Variants in WNK2 observed in about 807,000 individuals in gnomAD.
The protein encoded by WNK2 is serine/threonine-protein kinase WNK2.
A neutral mutation model predicts 192.1 loss-of-function variants in WNK2; 67 were observed. The observed-to-expected ratio is 0.35, with a 90% CI of 0.29 to 0.43. WNK2 has a LOEUF of 0.43. Ranked by LOEUF, WNK2 falls within the 20% of genes least tolerant of loss-of-function variation. The pLI, the probability that WNK2 is intolerant of heterozygous loss-of-function variation, is 1.00. For synonymous variants in WNK2, 1,439 were observed against 1,393.9 expected, an observed-to-expected ratio of 1.03 and a Z score of -0.72; for missense variants, 2,698 against 3,089.7, an observed-to-expected ratio of 0.87 and a Z score of 3.01.
At chr9:93,200,307 T>C (rs1043030764) in intron 2 of WNK2, among the ~76,000 whole-genome samples, 3 of 152,218 alleles carry the variant, frequency 2.0e-5, no homozygotes, top group Non-Finnish European at 4.4e-5. Flanking sequence ...TGTCTGTCAC[T>C]GCAGCAGGTC....
rs770681934 is a variant in WNK2 at position 93,229,661 on chromosome 9, T to C, written c.682-35T>C. 24 of 1,598,744 alleles carry C rather than the reference T, an allele frequency of 1.5e-5. No individual in the cohort carries two copies. The highest frequency in any genetic ancestry group is 2.0e-5 in the Non-Finnish European group (23 of 1,170,260). Reference sequence around the variant, plus strand: ...CCACCGTGTCCCCTTCTGTGTCCCATCTCTTGCCCACTTAGCATGTCTCTT... The same window carrying C: ...CCACCGTGTCCCCTTCTGTGTCCCACCTCTTGCCCACTTAGCATGTCTCTT... On this transcript the variant is annotated intron_variant, in intron 2 of 29. Coordinates refer to ENST00000427277, the MANE Select transcript of WNK2 (RefSeq NM_006648.4). This position sits in a 1 kb window ranked among gnomAD's most constrained non-coding sequence, Gnocchi z 4.9.
chr9:93,227,021 G>A (rs1168408673), intron 2 of WNK2, among the ~76,000 whole-genome samples: 2 of 152,126 alleles, frequency 1.3e-5, no homozygotes, highest in Non-Finnish European at 2.9e-5. Flanking sequence ...ACCCTGCCAA[G>A]CCCTCCTCTG....
chr9:93,273,493 A>G (rs578118322), intron 19 of WNK2, among the ~76,000 whole-genome samples: 1 of 152,374 alleles, frequency 6.6e-6, no homozygotes, highest in South Asian at 2.1e-4. Context: ...CTCAAAGGAC[A>G]TAACAGCCCT....
At chr9:93,261,386 A>G (rs1844210542) in intron 12 of WNK2, among the ~76,000 whole-genome samples, 1 of 152,202 alleles carries the variant, frequency 6.6e-6, no homozygotes, top group Non-Finnish European at 1.5e-5. Context: ...CCTAAGCCGC[A>G]GTCGCCCTCC....
chr9:93,225,422 G>A (rs1837644020), intron 2 of WNK2, among the ~76,000 whole-genome samples: 2 of 152,114 alleles, frequency 1.3e-5, no homozygotes. Context: ...ACCAAGCAAT[G>A]TGTTACATTG....
At chr9:93,193,168 C>A (rs565947418) in intron 2 of WNK2, among the ~76,000 whole-genome samples, 5 of 152,228 alleles carry the variant, frequency 3.3e-5, no homozygotes, top group Middle Eastern at 3.4e-3. Context: ...CCAGGAAGGA[C>A]GTCGCCCCAA....
chr9:93,255,509 G>A (rs1032341569), intron 9 of WNK2, among the ~76,000 whole-genome samples: 1 of 152,138 alleles, frequency 6.6e-6, no homozygotes, highest in East Asian at 1.9e-4. Context: ...ACACCATGCT[G>A]CCTTTCATAA....
At chr9:93,244,777 C>T (rs894621951) in intron 7 of WNK2, among the ~76,000 whole-genome samples, 1 of 152,236 alleles carries the variant, frequency 6.6e-6, no homozygotes, top group African/African-American at 2.4e-5. Context: ...GTGACAGGGA[C>T]ACCTGCCTCG....
chr9:93,205,568 C>A (rs897791906), intron 2 of WNK2, among the ~76,000 whole-genome samples: 3 of 152,252 alleles, frequency 2.0e-5, no homozygotes, highest in African/African-American at 7.2e-5. Flanking sequence ...GCCCGCCCCG[C>A]GGCCGGCTGT....
intron 2 of WNK2, among the ~76,000 whole-genome samples, chr9:93,206,003 G>T (rs1833306396): frequency 6.6e-6 from 1 of 152,170 alleles, no homozygotes; most frequent in East Asian, 1.9e-4. Context: ...GTTGTTGAGT[G>T]CTGGCTGTAG....
chr9:93,288,925 G>A lies in WNK2; in HGVS notation c.4171G>A (p.Val1391Met). ...PAPLAPSSPPVTALPQDGAAP... is the reference protein window; with the variant it reads ...PAPLAPSSPPMTALPQDGAAP... ...CCCTTTGGCCCCCTCCTCCCCTCCT[G>A]TGACTGCTCTGCCCCAAGATGGAGC... is the stretch of plus-strand genomic sequence containing the variant. The change falls in exon 20 of 30, where the codon GTG (valine) becomes ATG (methionine). Residue 1391 changes from valine to methionine, a missense_variant. Around this residue, in one of 7 missense-constraint regions of WNK2, gnomAD observed 1,098 missense variants for 1,101.0 expected, o/e 1.00. Transcript: ENST00000427277. 1 of 1,606,932 alleles carries A rather than the reference G, an allele frequency of 6.2e-7. No homozygotes were observed. Among genetic ancestry groups the A allele is most frequent in the South Asian group, 1.1e-5 (1 of 90,020 alleles).
At chr9:93,220,367 G>A (rs1179537780) in intron 2 of WNK2, among the ~76,000 whole-genome samples, 1 of 152,186 alleles carries the variant, frequency 6.6e-6, no homozygotes, top group East Asian at 1.9e-4. Context: ...GACGGGACAT[G>A]GTAGGAAGGG....
At chr9:93,258,159 C>T (rs73527611) in intron 11 of WNK2, among the ~76,000 whole-genome samples, 16,935 of 152,198 alleles carry the variant, frequency 0.11, 1,097 homozygotes, top group Middle Eastern at 0.15. Context: ...TTTGCTGCCT[C>T]TTGATTACAT....
chr9:93,229,700 G>A lies in WNK2; in HGVS notation c.686G>A (p.Arg229Gln), dbSNP rs1195104017. Residue 229 changes from arginine (R) to glutamine (Q), a missense_variant, in exon 3 of 30, where the codon CGG becomes CAG. Arg to Gln is a conservative substitution (Grantham distance 43, BLOSUM62 1). This residue lies in a region of WNK2 where 230 missense variants were observed against 501.1 expected (regional missense o/e 0.46). Coordinates refer to ENST00000427277, the MANE Select transcript of WNK2 (RefSeq NM_006648.4). This position sits in a 1 kb window ranked among gnomAD's most constrained non-coding sequence, Gnocchi z 4.9. ...VEVAWCELQD[R>Q]KLTKLERQRF... The stretch of plus-strand genomic sequence containing the variant: ...AGCATGTCTCTTGCCCTGTAGGACC[G>A]GAAGCTCACCAAGCTGGAGCGGCAG... 1.2e-6 allele frequency: 2 copies of A among 1,612,580 alleles called. No individual in the cohort carries two copies. Among genetic ancestry groups the A allele is most frequent in the Middle Eastern group, 1.7e-4 (1 of 6,058 alleles).
At chr9:93,294,975 C>T (rs369802524) in intron 23 of WNK2, among the ~76,000 whole-genome samples, 8 of 152,172 alleles carry the variant, frequency 5.3e-5, no homozygotes, top group African/African-American at 1.7e-4. Flanking sequence ...CAGCAGCTCC[C>T]CAACCTTGCT....
intron 23 of WNK2, among the ~76,000 whole-genome samples, chr9:93,293,817 T>C (rs1002402916): frequency 8.0e-5 from 12 of 150,274 alleles, no homozygotes; most frequent in African/African-American, 3.0e-4. Flanking sequence ...CTTCCCTCTT[T>C]CTTCCTTTCT....
rs548546298 is a variant in WNK2, at chr9:93,263,555, G to T, written c.3411-11G>T. ...CCTTTGGTGCCATTAATGTTCTTGG[G>T]TTTTGCTCAGCTATGGAGGTTCTGA... On this transcript the variant is annotated splice_polypyrimidine_tract_variant and intron_variant, in intron 14 of 29. Coordinates refer to ENST00000427277, the MANE Select transcript of WNK2 (RefSeq NM_006648.4). The T allele has an allele frequency of 1.2e-5, 19 of 1,610,984 alleles. No homozygotes were observed. The South Asian group carries it at 2.0e-4, about 17-fold the overall frequency.
At chr9:93,270,150 T>G (rs1845816073) in intron 19 of WNK2, among the ~76,000 whole-genome samples, 1 of 152,178 alleles carries the variant, frequency 6.6e-6, no homozygotes, top group Non-Finnish European at 1.5e-5. Flanking sequence ...GCTGAAGCGC[T>G]GTACTGGAGA....
intron 2 of WNK2, among the ~76,000 whole-genome samples, chr9:93,206,753 G>A (rs1833465369): frequency 1.3e-5 from 2 of 152,186 alleles, no homozygotes; most frequent in Admixed American, 1.3e-4. Flanking sequence ...TGCCCTCTTG[G>A]GGAGGGCAGC....
Sources: allele counts gnomAD v4.1 joint callset (sites outside exome capture counted in the v4.1 genomes callset), GRCh38; gene constraint gnomAD v4.1.1; regional missense constraint gnomAD v4.1.1; non-coding constraint Gnocchi (gnomAD v3.1); transcripts MANE v1.5; gene names NCBI Gene and HGNC (gene_info 2026-07-23, HGNC 2026-07-21).